The following UBE2E1 variants were observed in gnomAD, a reference collection of about 807,000 sequenced individuals.
UBE2E1 encodes ubiquitin conjugating enzyme E2 E1, also known as ubiquitin-conjugating enzyme E2 E1.
In UBE2E1, 6 loss-of-function variants were observed where a neutral mutation model predicts 21.4. The observed-to-expected ratio is 0.28, with a 90% CI of 0.15 to 0.55. The LOEUF is 0.55. Ranked by LOEUF, UBE2E1 falls within the 20% of genes least tolerant of loss-of-function variation. The pLI, the probability that UBE2E1 is intolerant of heterozygous loss-of-function variation, is 0.93. For synonymous variants in UBE2E1, 87 were observed against 82.7 expected, an observed-to-expected ratio of 1.05 and a Z score of -0.28; for missense variants, 142 against 236.5, an observed-to-expected ratio of 0.60 and a Z score of 2.62.
chr3:23,831,946 T>TCC (rs1559479793), intron 3 of UBE2E1, among the ~76,000 whole-genome samples: 2 of 152,190 alleles, frequency 1.3e-5, no homozygotes, highest in African/African-American at 4.8e-5. Flanking sequence ...GTGATTCGCC[T>TCC]GCCTCCGCCT....
chr3:23,807,434 T>G lies in UBE2E1; in HGVS notation c.152+13T>G, dbSNP rs1388585668. On this transcript the variant is annotated intron_variant, in intron 2 of 5. Transcript: ENST00000306627. Reference sequence around the variant, plus strand: ...CCAGCGCCAAGAGGTACTGTGCTCTTTTTTTTTTCCACAGGCTTCCTATTT... The same window carrying G: ...CCAGCGCCAAGAGGTACTGTGCTCTGTTTTTTTTCCACAGGCTTCCTATTT... 1 of 1,586,170 alleles carries G rather than the reference T, an allele frequency of 6.3e-7. No individual in the cohort carries two copies. Among genetic ancestry groups the G allele is most frequent in the South Asian group, 1.2e-5 (1 of 85,934 alleles).
At chr3:23,886,598 G>A (rs1420173247) in intron 3 of UBE2E1, among the ~76,000 whole-genome samples, 1 of 151,974 alleles carries the variant, frequency 6.6e-6, no homozygotes, top group Admixed American at 6.5e-5. Flanking sequence ...ACCTGTGATG[G>A]GTTTGGGGAA....
intron 3 of UBE2E1, among the ~76,000 whole-genome samples, chr3:23,819,005 C>G (rs1175761867): frequency 6.6e-6 from 1 of 152,146 alleles, no homozygotes; most frequent in Non-Finnish European, 1.5e-5. Flanking sequence ...GCTAGAGAGT[C>G]CGGGCACGGT....
chr3:23,841,443 G>A (rs770068519), intron 3 of UBE2E1, among the ~76,000 whole-genome samples: 7 of 151,768 alleles, frequency 4.6e-5, no homozygotes, highest in South Asian at 2.1e-4. Context: ...CTTTGAGCAC[G>A]TATTAATTCT....
chr3:23,849,059 A>T (rs1236509669), intron 3 of UBE2E1, among the ~76,000 whole-genome samples: 1 of 152,238 alleles, frequency 6.6e-6, no homozygotes, highest in East Asian at 1.9e-4. Context: ...CAGCTGTTAA[A>T]ATAATGTTGC....
rs1295763320 is a variant in UBE2E1 at position 23,870,635 on chromosome 3, C to T, written c.204-16932C>T. 2.6e-5 allele frequency among the ~76,000 whole-genome samples: 4 copies of T among 152,138 alleles called. No homozygotes were observed. Among genetic ancestry groups the T allele is most frequent in the African/African-American group, 9.7e-5 (4 of 41,426 alleles). On this transcript the variant is annotated intron_variant, in intron 3 of 5. Transcript: ENST00000306627. This position sits in a 1 kb window ranked among gnomAD's most constrained non-coding sequence, Gnocchi z 4.2. ...TTCTCTTATTTCCAAAACTATAAAA[C>T]TGTTCACTTATATTTTCTTCAAGTT... is the stretch of plus-strand genomic sequence containing the variant.
At chr3:23,865,127 G>A (rs937666254) in intron 3 of UBE2E1, among the ~76,000 whole-genome samples, 1 of 152,200 alleles carries the variant, frequency 6.6e-6, no homozygotes, top group Admixed American at 6.5e-5. Context: ...CCTCTGCTCA[G>A]GGTCTCTCTT....
At chr3:23,884,429 T>C (rs551913554) in intron 3 of UBE2E1, among the ~76,000 whole-genome samples, 18 of 152,310 alleles carry the variant, frequency 1.2e-4, no homozygotes, top group South Asian at 6.2e-4. Context: ...ATATGGATTC[T>C]TGGGTCCCCT....
intron 5 of UBE2E1, among the ~76,000 whole-genome samples, chr3:23,890,060 G>A (rs1340724208): frequency 2.6e-5 from 4 of 152,214 alleles, no homozygotes; most frequent in South Asian, 2.1e-4. Context: ...TTTAACCAGC[G>A]TAAAGGTTAA....
chr3:23,883,399 CCTT>C (rs1189787922), intron 3 of UBE2E1, among the ~76,000 whole-genome samples: 2 of 152,078 alleles, frequency 1.3e-5, no homozygotes, highest in Non-Finnish European at 2.9e-5. Context: ...CTGACACTGG[CCTT>C]CTTATAGAGT....
chr3:23,868,956 C>T (rs1700717205), intron 3 of UBE2E1, among the ~76,000 whole-genome samples: 1 of 152,136 alleles, frequency 6.6e-6, no homozygotes, highest in Non-Finnish European at 1.5e-5. Context: ...TATGGTTGTA[C>T]TCCAATGAAC....
At chr3:23,873,340 A>G in intron 3 of UBE2E1, among the ~76,000 whole-genome samples, 1 of 152,196 alleles carries the variant, frequency 6.6e-6, no homozygotes, top group East Asian at 1.9e-4. Context: ...TATCCTTCAA[A>G]TTCACATGAG....
intron 3 of UBE2E1, among the ~76,000 whole-genome samples, chr3:23,848,340 C>T (rs1309601482): frequency 6.6e-6 from 1 of 151,932 alleles, no homozygotes; most frequent in Non-Finnish European, 1.5e-5. Flanking sequence ...GTGGTGGCCA[C>T]ATGCTTGTAA....
intron 3 of UBE2E1, among the ~76,000 whole-genome samples, chr3:23,850,502 T>A (rs1459999005): frequency 1.4e-5 from 1 of 69,844 alleles, no homozygotes; most frequent in African/African-American, 7.3e-5. Context: ...GAAACCATTA[T>A]CTACTCCTCT....
intron 3 of UBE2E1, among the ~76,000 whole-genome samples, chr3:23,820,375 T>C (rs1699620677): frequency 1.3e-5 from 2 of 152,202 alleles, no homozygotes; most frequent in Non-Finnish European, 2.9e-5. Flanking sequence ...TTGAAACATA[T>C]ACACAGTGAT....
At chr3:23,865,229 A>G (rs543728299) in intron 3 of UBE2E1, among the ~76,000 whole-genome samples, 18 of 152,188 alleles carry the variant, frequency 1.2e-4, no homozygotes, top group Non-Finnish European at 2.1e-4. Flanking sequence ...CCTTGCAGCT[A>G]TGGGACTGAG....
chr3:23,870,968 A>T lies in UBE2E1; in HGVS notation c.204-16599A>T, dbSNP rs997570735. Among the ~76,000 whole-genome samples, 1 of 152,240 alleles carries T rather than the reference A, an allele frequency of 6.6e-6. No individual in the cohort carries two copies. ...ATTTAACCCTGAGTGGACACAGCAC[A>T]TGTTTCAGAGGGCACAGGGTTGGGG... On this transcript the variant is annotated intron_variant, in intron 3 of 5. Transcript: ENST00000306627. This position sits in a 1 kb window ranked among gnomAD's most constrained non-coding sequence, Gnocchi z 4.2.
intron 3 of UBE2E1, among the ~76,000 whole-genome samples, chr3:23,825,661 A>G (rs982136551): frequency 6.6e-6 from 1 of 152,164 alleles, no homozygotes; most frequent in African/African-American, 2.4e-5. Context: ...GGACCCAACC[A>G]TGAGAAGGGC....
intron 3 of UBE2E1, among the ~76,000 whole-genome samples, chr3:23,814,684 G>T (rs1699474776): frequency 2.0e-5 from 3 of 152,096 alleles, no homozygotes; most frequent in Admixed American, 2.0e-4. Flanking sequence ...GATGAACTCT[G>T]GGCCACCAGA....
Sources: gnomAD v4.1 joint callset for allele counts (sites outside exome capture counted in the v4.1 genomes callset) on GRCh38, gnomAD v4.1.1 for gene constraint, Gnocchi (gnomAD v3.1) non-coding constraint, MANE v1.5 for transcripts, NCBI Gene and HGNC (gene_info 2026-07-23, HGNC 2026-07-21) for gene names.